Variants in SNX29 observed in about 807,000 individuals in gnomAD.
SNX29 encodes sorting nexin 29, also known as sorting nexin-29.
A neutral mutation model predicts 102.1 loss-of-function variants in SNX29; 78 were observed. The observed-to-expected ratio is 0.76, with a 90% CI of 0.64 to 0.92. SNX29 has a LOEUF of 0.92. Among genes scored for constraint, SNX29 ranks in the 40% least tolerant of loss-of-function variants. The pLI is 0.00. For missense variants in SNX29, 1,280 were observed against 1,061.7 expected, an observed-to-expected ratio of 1.21 and a Z score of -2.86; for synonymous variants, 580 against 414.5, an observed-to-expected ratio of 1.40 and a Z score of -4.85.
intron 16 of SNX29, among the ~76,000 whole-genome samples, chr16:12,365,793 A>G (rs2082451993): frequency 6.6e-6 from 1 of 151,702 alleles, no homozygotes; most frequent in Admixed American, 6.6e-5. Flanking sequence ...CTGTAATCCC[A>G]GCACTTTGGG....
Position 12,051,953 on chromosome 16 carries a change from A to C in SNX29, c.855A>C (p.Thr285=), listed in dbSNP as rs536123638. The C allele has an allele frequency of 4.8e-5, 78 of 1,613,842 alleles. 1 individual carries two copies. In the Admixed American group the frequency reaches 1.3e-3, roughly 27 times the overall value. The change falls in exon 8 of 21, where the codon ACA becomes ACC. Residue 285 remains threonine, a synonymous_variant. Transcript: ENST00000566228. ...EQNSGDVFKK[T]PGAGESSEDN... is the part of the protein sequence containing the mutation. ...ACTCTGGGGACGTGTTTAAAAAGAC[A>C]CCTGGGGCAGGGGAGAGCTCAGAGG... is the stretch of plus-strand genomic sequence containing the variant.
chr16:12,163,682 G>A (rs552838060), intron 13 of SNX29, among the ~76,000 whole-genome samples: 6 of 152,160 alleles, frequency 3.9e-5, no homozygotes, highest in Non-Finnish European at 8.8e-5. Context: ...TTGGTCTAGG[G>A]TGGGGTCTTG....
intron 18 of SNX29, among the ~76,000 whole-genome samples, chr16:12,444,990 A>G (rs920238291): frequency 2.0e-5 from 3 of 151,900 alleles, no homozygotes; most frequent in Non-Finnish European, 2.9e-5. Context: ...TAGCTGGACT[A>G]TAGACATCTG....
chr16:12,429,985 A>G (rs2085245565), intron 18 of SNX29, among the ~76,000 whole-genome samples: 1 of 152,240 alleles, frequency 6.6e-6, no homozygotes, highest in Non-Finnish European at 1.5e-5. Context: ...CCTGTTAGGA[A>G]CCGGGCCACA....
chr16:12,493,874 G>C (rs2088676492), intron 19 of SNX29, among the ~76,000 whole-genome samples: 1 of 152,186 alleles, frequency 6.6e-6, no homozygotes, highest in Non-Finnish European at 1.5e-5. Flanking sequence ...TTACAGGCGT[G>C]AGCCACCGCA....
intron 20 of SNX29, among the ~76,000 whole-genome samples, chr16:12,542,427 C>G (rs907606804): frequency 5.3e-5 from 8 of 152,166 alleles, no homozygotes; most frequent in African/African-American, 1.9e-4. Context: ...CCTTCGCCTC[C>G]CAAGTTCAAT....
intron 20 of SNX29, among the ~76,000 whole-genome samples, chr16:12,534,746 C>T (rs1296439661): frequency 6.6e-6 from 1 of 152,226 alleles, no homozygotes; most frequent in Non-Finnish European, 1.5e-5. Flanking sequence ...CTACTAAACC[C>T]AAGTGGCTTT....
rs535363980 is a variant in SNX29, at chr16:12,098,580, G to A, written c.1402+19665G>A. 4.7e-4 allele frequency among the ~76,000 whole-genome samples: 72 copies of A among 152,156 alleles called. No homozygotes were observed. Among genetic ancestry groups the A allele is most frequent in the Non-Finnish European group, 7.2e-4 (49 of 68,038 alleles). ...AGACGATTCAGTTTCATGCGCGCCC[G>A]ATTCAGTTTCATGCTCTTCCGTCTG... is the stretch of plus-strand genomic sequence containing the variant. On this transcript the variant is annotated intron_variant, in intron 11 of 20. Coordinates refer to ENST00000566228, the MANE Select transcript of SNX29 (RefSeq NM_032167.5). The surrounding 1 kb of genome is among the most constrained non-coding windows in gnomAD (Gnocchi z 6.0).
intron 7 of SNX29, among the ~76,000 whole-genome samples, chr16:12,049,411 C>T (rs1173686395): frequency 6.6e-6 from 1 of 151,820 alleles, no homozygotes; most frequent in Non-Finnish European, 1.5e-5. Flanking sequence ...CAGCTCACTG[C>T]AACCTCCACT....
chr16:12,290,985 TA>T (rs1293637164), intron 15 of SNX29, among the ~76,000 whole-genome samples: 2 of 152,216 alleles, frequency 1.3e-5, no homozygotes, highest in African/African-American at 4.8e-5. Flanking sequence ...GAATGGTATC[TA>T]TTCAGCTTGT....
At chr16:12,358,261 G>C (rs1312704216) in intron 16 of SNX29, among the ~76,000 whole-genome samples, 1 of 152,096 alleles carries the variant, frequency 6.6e-6, no homozygotes, top group Non-Finnish European at 1.5e-5. Context: ...TTATATATTT[G>C]TGTTTTCATC....
At chr16:12,230,882 T>C (rs966016430) in intron 14 of SNX29, among the ~76,000 whole-genome samples, 3 of 152,184 alleles carry the variant, frequency 2.0e-5, no homozygotes, top group African/African-American at 7.2e-5. Context: ...AGTCTCTCTC[T>C]GTCACCCAGG....
intron 19 of SNX29, among the ~76,000 whole-genome samples, chr16:12,502,639 C>T (rs1023382925): frequency 1.3e-5 from 2 of 152,172 alleles, no homozygotes; most frequent in Non-Finnish European, 2.9e-5. Flanking sequence ...GAATTCTTAT[C>T]CTGGGGTCTG....
chr16:12,107,898 T>C (rs2053331879), intron 11 of SNX29, among the ~76,000 whole-genome samples: 1 of 152,002 alleles, frequency 6.6e-6, no homozygotes, highest in Non-Finnish European at 1.5e-5. Context: ...TTTTAAGTGA[T>C]AGAATTAGGT....
intron 11 of SNX29, among the ~76,000 whole-genome samples, chr16:12,086,369 C>T (rs2052191991): frequency 6.6e-6 from 1 of 152,152 alleles, no homozygotes; most frequent in African/African-American, 2.4e-5. Flanking sequence ...GGGCAAGCAG[C>T]AGTGGACTAG....
chr16:12,571,575 C>T lies in SNX29; in HGVS notation c.*2946C>T, dbSNP rs1247452256. ...AATCCACACCGAATCCTTCTGTCTT[C>T]ATGGCCTGCTGTGCTGAAACAGAAC... On this transcript the variant is annotated 3_prime_UTR_variant, in exon 21 of 21. Coordinates refer to ENST00000566228, the MANE Select transcript of SNX29 (RefSeq NM_032167.5). The T allele has an allele frequency of 2.4e-5, 25 of 1,038,556 alleles. No homozygotes were observed. Among genetic ancestry groups the T allele is most frequent in the South Asian group, 4.7e-5 (1 of 21,422 alleles). 64.3% of individuals were successfully genotyped at this position (1,038,556 alleles called of 1,614,324 possible).
chr16:12,432,570 G>A (rs780032958), intron 18 of SNX29, among the ~76,000 whole-genome samples: 14 of 152,186 alleles, frequency 9.2e-5, no homozygotes, highest in Admixed American at 2.0e-4. Flanking sequence ...GCAGAGCCAG[G>A]GAACAGCACG....
At chr16:12,322,294 G>T (rs143322893) in intron 15 of SNX29, among the ~76,000 whole-genome samples, 48 of 152,268 alleles carry the variant, frequency 3.2e-4, no homozygotes, top group African/African-American at 8.2e-4. Flanking sequence ...AGCTTGCCCA[G>T]AACTGCATAG....
At position 12,497,334 on chromosome 16, in the gene SNX29, C is replaced by T. The variant is rs78747462; in HGVS notation, c.2178+19475C>T. Among the ~76,000 whole-genome samples, 1,454 of 152,298 alleles carry T rather than the reference C, an allele frequency of 9.5e-3. 26 individuals carry two copies. The highest frequency in any genetic ancestry group is 0.034 in the African/African-American group (1,397 of 41,560). ...ACACCAAGTCTCGTGGCCTTGGAGA[C>T]GAATAAGATACATTTCCTGCCCTCA... is the stretch of plus-strand genomic sequence containing the variant. On this transcript the variant is annotated intron_variant, in intron 19 of 20. Coordinates refer to ENST00000566228, the MANE Select transcript of SNX29 (RefSeq NM_032167.5).
Sources: allele counts gnomAD v4.1 joint callset (sites outside exome capture counted in the v4.1 genomes callset), GRCh38; gene constraint gnomAD v4.1.1; non-coding constraint Gnocchi (gnomAD v3.1); transcripts MANE v1.5; gene names NCBI Gene and HGNC (gene_info 2026-07-23, HGNC 2026-07-21).